PHF6: variants seen among roughly 807,000 people sequenced by gnomAD.
The protein encoded by PHF6 is PHD-like zinc finger protein.
In PHF6, 7 loss-of-function variants were observed where a neutral mutation model predicts 34.0. The observed-to-expected ratio is 0.21, with a 90% CI of 0.12 to 0.39. PHF6 has a LOEUF of 0.39. PHF6 is among the 10% of genes least tolerant of loss of function. The pLI is 1.00. For missense variants in PHF6, 128 were observed against 262.8 expected, an observed-to-expected ratio of 0.49 and a Z score of 3.55; for synonymous variants, 89 against 88.4, an observed-to-expected ratio of 1.01 and a Z score of -0.04.
rs1327236392 is a variant in PHF6, at chrX:134,425,309, G to C, written c.1077G>C (p.Gln359His). 8.3e-7 allele frequency: 1 copy of C among 1,211,298 alleles called. No homozygotes were observed. Among genetic ancestry groups the C allele is most frequent in the South Asian group, 1.8e-5 (1 of 56,998 alleles). The change falls in exon 10 of 11, where the codon CAG becomes CAC. Residue 359 changes from glutamine to histidine, a missense_variant. Physicochemically the swap from Gln to His is conservative, Grantham distance 24. Transcript: ENST00000370803. ...AAATTGATCAGCAACAACTAACTCA[G>C]CAGCAACTTAATGGAAACTAGGTAT... The part of the protein sequence containing the change: ...KVEIDQQQLT[Q>H]QQLNGN
chrX:134,425,414 GA>G (rs1386450775), intron 10 of PHF6, 84 bp downstream of exon 10: 18 of 1,090,267 alleles, frequency 1.7e-5, no homozygotes, highest in Non-Finnish European at 2.3e-5. Flanking sequence ...TATGCAGTAA[GA>G]TTTTTTTTAA....
intron 5 of PHF6, among the ~76,000 whole-genome samples, chrX:134,399,173 G>A (rs1419523913): frequency 2.7e-5 from 3 of 111,620 alleles, no homozygotes; most frequent in Admixed American, 9.5e-5. Flanking sequence ...GGTCAACTTC[G>A]TGGGCTGTTG....
In PHF6 at chrX:134,377,115, AAT is replaced by A. The variant is rs201140026; in HGVS notation, c.-46-454_-46-453del. Among the ~76,000 whole-genome samples the A allele has an allele frequency of 6.5e-3, 728 of 111,667 alleles. 4 individuals are homozygous for A. Among genetic ancestry groups the A allele is most frequent in the Non-Finnish European group, 9.7e-3 (517 of 53,031 alleles). ...TAATTATGCCAGCAGGGGATAATTT[AAT>A]ATTATACATTGTACATTTCTCTCCA... is the stretch of plus-strand genomic sequence containing the variant. On this transcript the variant is annotated intron_variant, in intron 1 of 10. Coordinates refer to ENST00000370803, the MANE Select transcript of PHF6 (RefSeq NM_001015877.2).
intron 3 of PHF6, among the ~76,000 whole-genome samples, chrX:134,380,092 C>G (rs910317500): frequency 8.2e-5 from 9 of 110,389 alleles, no homozygotes; most frequent in African/African-American, 3.0e-4. Context: ...CTACATGAAG[C>G]AACAGCATAC....
At chrX:134,398,047 G>A (rs887846422) in intron 5 of PHF6, among the ~76,000 whole-genome samples, 2 of 111,855 alleles carry the variant, frequency 1.8e-5, no homozygotes, top group Non-Finnish European at 3.8e-5. Context: ...TGAAGACTTA[G>A]ACAGGAAGGA....
intron 3 of PHF6, among the ~76,000 whole-genome samples, chrX:134,386,380 GCAGGCAC>G (rs1378633258): frequency 9.3e-6 from 1 of 107,723 alleles, no homozygotes; most frequent in Non-Finnish European, 1.9e-5. Context: ...GGGTTGGGTT[GCAGGCAC>G]AATCTTTTGA....
intron 3 of PHF6, among the ~76,000 whole-genome samples, chrX:134,392,818 T>C (rs980530080): frequency 9.2e-6 from 1 of 109,071 alleles, no homozygotes; most frequent in African/African-American, 3.4e-5. Context: ...TTTTTTTTTT[T>C]AGACGGAGTC....
At position 134,394,133 on chromosome X, in the gene PHF6, CT is replaced by C. The variant is rs1158831168; in HGVS notation, c.418+196del. Among the ~76,000 whole-genome samples the C allele has an allele frequency of 2.2e-3, 226 of 100,600 alleles. No homozygotes were observed. Among genetic ancestry groups the C allele is most frequent in the Admixed American group, 3.4e-3 (31 of 9,210 alleles). The allele number at this position is 100,600 out of a possible 115,157, so 87.4% of individuals were successfully genotyped here. On this transcript the variant is annotated intron_variant, in intron 5 of 10. Transcript: ENST00000370803. ...TGCATAGTGAAAAAGATCTGAACTT[CT>C]TTTTTTTTTTTTTTCCTGAAACGAA...
intron 9 of PHF6, among the ~76,000 whole-genome samples, chrX:134,424,881 A>C (rs2077502807): frequency 8.9e-6 from 1 of 112,100 alleles, no homozygotes; most frequent in Non-Finnish European, 1.9e-5. Flanking sequence ...TTATTTCATC[A>C]ATATACCTGA....
chrX:134,406,779 C>A (rs1466560726), intron 5 of PHF6, among the ~76,000 whole-genome samples: 1 of 112,116 alleles, frequency 8.9e-6, no homozygotes, highest in Non-Finnish European at 1.9e-5. Context: ...GAAATTGCAG[C>A]TGTGAATATA....
intron 3 of PHF6, among the ~76,000 whole-genome samples, chrX:134,383,109 A>C (rs1175752395): frequency 1.8e-5 from 2 of 110,281 alleles, no homozygotes; most frequent in Non-Finnish European, 3.8e-5. Context: ...GAAATGTGGC[A>C]TGTTCCTGTA....
chrX:134,405,963 G>A (rs777843153), intron 5 of PHF6, among the ~76,000 whole-genome samples: 121 of 109,778 alleles, frequency 1.1e-3, no homozygotes, highest in African/African-American at 3.8e-3. Context: ...ACTGGAAAAG[G>A]CAGGGCGAAT....
At chrX:134,413,121 C>T (rs2077457653) in intron 5 of PHF6, among the ~76,000 whole-genome samples, 1 of 111,223 alleles carries the variant, frequency 9.0e-6, no homozygotes, top group Non-Finnish European at 1.9e-5. Flanking sequence ...TTTTTAAGGC[C>T]ACATGTTGCT....
chrX:134,398,276 G>A (rs1362497208), intron 5 of PHF6, among the ~76,000 whole-genome samples: 1 of 111,512 alleles, frequency 9.0e-6, no homozygotes, highest in African/African-American at 3.3e-5. Flanking sequence ...TGTAGTCCCA[G>A]CTACTCGGGA....
rs1602711716 is a variant in PHF6, at chrX:134,408,383, G to C, written c.419-5108G>C. Among the ~76,000 whole-genome samples, 7 of 112,024 alleles carry C rather than the reference G, an allele frequency of 6.2e-5. 2 individuals carry two copies. In the Admixed American group the frequency reaches 6.6e-4, roughly 11 times the overall value. On this transcript the variant is annotated intron_variant, in intron 5 of 10. Transcript: ENST00000370803. ...AGAAATGGGGTTGCCAAGTCAAAGG[G>C]TCTATGCATTTAACACAGGGAATGA...
At chrX:134,382,186 A>G (rs2077310356) in intron 3 of PHF6, among the ~76,000 whole-genome samples, 1 of 112,126 alleles carries the variant, frequency 8.9e-6, no homozygotes, top group South Asian at 3.7e-4. Context: ...GCCATTCTGC[A>G]TGAACATTTT....
intron 5 of PHF6, among the ~76,000 whole-genome samples, chrX:134,404,072 CTTA>C (rs756614863): frequency 8.1e-5 from 9 of 110,748 alleles, no homozygotes; most frequent in Non-Finnish European, 1.7e-4. Flanking sequence ...ACTTTCAAGT[CTTA>C]TTATTTAAGA....
chrX:134,424,432 A>C (rs764264681), intron 9 of PHF6, among the ~76,000 whole-genome samples: 2 of 112,113 alleles, frequency 1.8e-5, no homozygotes, highest in South Asian at 7.4e-4. Flanking sequence ...GATTACCTAC[A>C]GAGTGTCTTG....
rs2077280475 is a variant in PHF6, at chrX:134,377,012, C to G, written c.-46-560C>G. Among the ~76,000 whole-genome samples, 4 of 111,648 alleles carry G rather than the reference C, an allele frequency of 3.6e-5. No homozygotes were observed. The South Asian group carries it at 1.5e-3, about 41-fold the overall frequency. ...GAGTATTCTGAAGTTTCCTTAGTAG[C>G]TTTTACCGTGTTCTTAAGAGGTATA... On this transcript the variant is annotated intron_variant, in intron 1 of 10. Coordinates refer to ENST00000370803, the MANE Select transcript of PHF6 (RefSeq NM_001015877.2).
Sources: allele counts gnomAD v4.1 joint callset (sites outside exome capture counted in the v4.1 genomes callset), GRCh38; gene constraint gnomAD v4.1.1; transcripts MANE v1.5; gene names NCBI Gene and HGNC (gene_info 2026-07-23, HGNC 2026-07-21).